The following WWOX variants were observed in gnomAD, a reference collection of about 807,000 sequenced individuals.
WWOX encodes WW domain-containing oxidoreductase.
In WWOX, 69 loss-of-function variants were observed where a neutral mutation model predicts 46.2. The observed-to-expected ratio is 1.49, with a 90% CI of 1.23 to 1.82. The LOEUF (loss-of-function observed/expected upper bound fraction) is 1.82, where lower values mean the gene tolerates loss of function less well. Ranked by LOEUF, WWOX falls within the 40% of genes most tolerant of loss-of-function variation. WWOX has a pLI of 0.00. For synonymous variants in WWOX, 359 were observed against 202.6 expected (o/e 1.77, Z -6.56); for missense variants, 919 against 542.6 (o/e 1.69, Z -6.89).
intron 8 of WWOX, among the ~76,000 whole-genome samples, chr16:78,882,936 A>G (rs1472830095): frequency 6.6e-6 from 1 of 152,082 alleles, no homozygotes; most frequent in Non-Finnish European, 1.5e-5. Context: ...AGGAACCGGC[A>G]CCAGCGATGT....
intron 5 of WWOX, among the ~76,000 whole-genome samples, chr16:78,322,278 G>T (rs1352816626): frequency 2.0e-5 from 3 of 152,102 alleles, no homozygotes; most frequent in Non-Finnish European, 1.5e-5. Context: ...CAAGCCTTCT[G>T]TGTATTAGCC....
intron 5 of WWOX, among the ~76,000 whole-genome samples, chr16:78,311,118 G>A (rs950549815): frequency 6.6e-6 from 1 of 152,156 alleles, no homozygotes; most frequent in Admixed American, 6.5e-5. Context: ...CAGACATCCT[G>A]TGGGTTAAAG....
At chr16:78,974,630 C>G (rs944276781) in intron 8 of WWOX, among the ~76,000 whole-genome samples, 8 of 152,168 alleles carry the variant, frequency 5.3e-5, no homozygotes, top group Non-Finnish European at 1.0e-4. Context: ...TTACACGTAG[C>G]AAATGTCACC....
intron 5 of WWOX, among the ~76,000 whole-genome samples, chr16:78,170,310 C>G (rs1057254672): frequency 2.0e-5 from 3 of 152,260 alleles, no homozygotes; most frequent in Admixed American, 6.5e-5. Context: ...CTGTAAAATG[C>G]ACATCATAAT....
intron 8 of WWOX, among the ~76,000 whole-genome samples, chr16:78,827,038 T>C (rs7189479): frequency 6.6e-6 from 1 of 151,932 alleles, no homozygotes; most frequent in African/African-American, 2.4e-5. Flanking sequence ...CCACATGTTA[T>C]AGATGGTGCA....
chr16:79,019,884 A>G (rs147351546), intron 8 of WWOX, among the ~76,000 whole-genome samples: 129 of 152,312 alleles, frequency 8.5e-4, no homozygotes, highest in African/African-American at 2.6e-3. Flanking sequence ...CGGATCCTCA[A>G]TGTTCTTTTC....
intron 8 of WWOX, among the ~76,000 whole-genome samples, chr16:78,567,091 T>C (rs2044587818): frequency 6.6e-6 from 1 of 152,266 alleles, no homozygotes; most frequent in Non-Finnish European, 1.5e-5. Context: ...ATTCTCAGTA[T>C]CAGAAGAAGA....
intron 8 of WWOX, among the ~76,000 whole-genome samples, chr16:79,079,662 C>T (rs982537764): frequency 6.6e-6 from 1 of 152,180 alleles, no homozygotes; most frequent in South Asian, 2.1e-4. Flanking sequence ...ATCTTACCTC[C>T]TTCTTCTGTG....
intron 1 of WWOX, 61 bp from the exon 2 acceptor site, chr16:78,108,362 T>C: frequency 6.5e-7 from 1 of 1,534,150 alleles, no homozygotes. Context: ...TTAATACAAT[T>C]GATTACTTTT....
At chr16:78,972,637 A>G (rs1371283423) in intron 8 of WWOX, among the ~76,000 whole-genome samples, 9 of 151,466 alleles carry the variant, frequency 5.9e-5, no homozygotes, top group Admixed American at 1.3e-4. Flanking sequence ...TGCACATCCC[A>G]CCCTCTGTTT....
At chr16:78,896,698 G>T (rs567052471) in intron 8 of WWOX, 2 of 152,106 alleles carry the variant, frequency 1.3e-5, no homozygotes, top group African/African-American at 4.8e-5. Context: ...GCACTCAAAA[G>T]TAAGGTCTGT....
At chr16:78,432,885 G>C in intron 8 of WWOX, 133 bp downstream of exon 8, 1 of 1,393,156 alleles carries the variant, frequency 7.2e-7, no homozygotes, top group East Asian at 2.3e-5. Flanking sequence ...CATCATAAAG[G>C]GCTCTTGAAC....
At chr16:78,770,009 A>G (rs1393828631) in intron 8 of WWOX, among the ~76,000 whole-genome samples, 3 of 152,012 alleles carry the variant, frequency 2.0e-5, no homozygotes, top group South Asian at 4.2e-4. Flanking sequence ...TCACCTCTGT[A>G]CTACAGCCTG....
chr16:78,898,290 T>G (rs2044747772), intron 8 of WWOX: 1 of 152,190 alleles, frequency 6.6e-6, no homozygotes, highest in Non-Finnish European at 1.5e-5. Flanking sequence ...CATTCAGATC[T>G]ATGTTCCATC....
chr16:78,659,395 G>C (rs2047159430), intron 8 of WWOX, among the ~76,000 whole-genome samples: 1 of 152,238 alleles, frequency 6.6e-6, no homozygotes, highest in South Asian at 2.1e-4. Context: ...GAACTTGTTA[G>C]ATGTGCTCAC....
intron 8 of WWOX, among the ~76,000 whole-genome samples, chr16:79,091,989 C>A (rs1411472382): frequency 6.6e-6 from 1 of 151,928 alleles, no homozygotes; most frequent in Admixed American, 6.6e-5. Flanking sequence ...CCATGTTGGC[C>A]AAGATGGTCT....
At chr16:78,688,497 T>C (rs2047912939) in intron 8 of WWOX, among the ~76,000 whole-genome samples, 1 of 152,236 alleles carries the variant, frequency 6.6e-6, no homozygotes, top group South Asian at 2.1e-4. Flanking sequence ...GAATAGAAAC[T>C]TTTGCCTTCA....
rs1438086561 is a variant in WWOX at position 78,597,068 on chromosome 16, T to C, written c.1056+164316T>C. Among the ~76,000 whole-genome samples the C allele has an allele frequency of 2.0e-5, 3 of 152,174 alleles. No homozygotes were observed. In the South Asian group the frequency reaches 6.2e-4, roughly 32 times the overall value. ...CCTACCCTCTTCTGCGTAGAAGCGC[T>C]GGAGCCAGGTGCTTACGACCTGGGT... On this transcript the variant is annotated intron_variant, in intron 8 of 8. Coordinates refer to ENST00000566780, the MANE Select transcript of WWOX (RefSeq NM_016373.4).
At chr16:78,288,528 G>T (rs1003093000) in intron 5 of WWOX, among the ~76,000 whole-genome samples, 3 of 152,160 alleles carry the variant, frequency 2.0e-5, no homozygotes, top group Non-Finnish European at 4.4e-5. Context: ...CAAAGGAGAA[G>T]AAATATATTT....
Sources: allele counts gnomAD v4.1 joint callset (sites outside exome capture counted in the v4.1 genomes callset), GRCh38; gene constraint gnomAD v4.1.1; transcripts MANE v1.5; gene names NCBI Gene and HGNC (gene_info 2026-07-23, HGNC 2026-07-21).